The following TUT4 variants were observed in gnomAD, a reference collection of about 807,000 sequenced individuals.
The protein encoded by TUT4 is terminal uridylyl transferase 4, also known as terminal uridylyltransferase 4.
Under a neutral mutation model 192.2 loss-of-function variants are expected in TUT4, and 36 were observed. The ratio of observed to expected loss-of-function variants is 0.19; its 90% CI spans 0.14 to 0.25. TUT4 has a LOEUF of 0.25. Among genes scored for constraint, TUT4 ranks in the 10% least tolerant of loss-of-function variants. The pLI is 1.00. For missense variants in TUT4, 1,493 were observed against 1,957.2 expected, an observed-to-expected ratio of 0.76 and a Z score of 4.47; for synonymous variants, 618 against 666.0, an observed-to-expected ratio of 0.93 and a Z score of 1.11.
intron 3 of TUT4, among the ~76,000 whole-genome samples, chr1:52,513,110 G>A (rs1431028958): frequency 6.7e-6 from 1 of 148,290 alleles, no homozygotes; most frequent in Admixed American, 6.7e-5. Flanking sequence ...GAGACAGAAT[G>A]AGACCCTGTC....
chr1:52,466,693 A>G (rs1175103982), intron 15 of TUT4, among the ~76,000 whole-genome samples: 1 of 143,164 alleles, frequency 7.0e-6, no homozygotes, highest in African/African-American at 2.8e-5. Context: ...TTTTTGAGAC[A>G]GAGTTTCGCT....
intron 20 of TUT4, among the ~76,000 whole-genome samples, chr1:52,450,904 G>A (rs1570420920): frequency 6.6e-6 from 1 of 152,000 alleles, no homozygotes; most frequent in East Asian, 1.9e-4. Flanking sequence ...CCGGCAAAGT[G>A]GCAAATGATA....
chr1:52,525,920 C>T lies in TUT4; in HGVS notation c.361G>A (p.Ala121Thr). Reference protein sequence around the residue: ...ATISQAKSEKATSLQAKAEKS... With the variant: ...ATISQAKSEKTTSLQAKAEKS... ...TCTGCTTTTGCCTGTAAACTGGTTGCCTTTTCTGATTTTGCCTGTGAAATG... is the reference window on the plus strand; with the variant it reads ...TCTGCTTTTGCCTGTAAACTGGTTGTCTTTTCTGATTTTGCCTGTGAAATG... The change falls in exon 2 of 30, where the codon GCA becomes ACA. Residue 121 changes from alanine (A) to threonine (T), a missense_variant. By Grantham distance (58) the Ala-to-Thr change is moderately conservative (BLOSUM62 0). Coordinates refer to ENST00000257177, the MANE Select transcript of TUT4 (RefSeq NM_001009881.3). The T allele has an allele frequency of 6.2e-7, 1 of 1,614,040 alleles. No individual in the cohort carries two copies. Among genetic ancestry groups the T allele is most frequent in the Non-Finnish European group, 8.5e-7 (1 of 1,179,998 alleles).
intron 1 of TUT4, chr1:52,529,707 A>G (rs954805397): frequency 6.6e-6 from 1 of 152,210 alleles, no homozygotes; most frequent in African/African-American, 2.4e-5. Flanking sequence ...TACTCCATAA[A>G]TCAAGTTTGT....
In TUT4 at chr1:52,541,389, G is replaced by A. The variant is rs532764307; in HGVS notation, c.-94+11542C>T. Among the ~76,000 whole-genome samples the A allele has an allele frequency of 3.3e-5, 5 of 151,880 alleles. No homozygotes were observed. In the South Asian group the frequency reaches 1.0e-3, roughly 32 times the overall value. Reference sequence around the variant, plus strand: ...TCTACTAAAAATACAAAAATTAGCTGAACATGGTGGCAGGCGCCAGTAATC... The same window carrying A: ...TCTACTAAAAATACAAAAATTAGCTAAACATGGTGGCAGGCGCCAGTAATC... On this transcript the variant is annotated intron_variant, in intron 1 of 29. Coordinates refer to ENST00000257177, the MANE Select transcript of TUT4 (RefSeq NM_001009881.3).
intron 27 of TUT4, chr1:52,434,040 T>C (rs1432928847): frequency 6.6e-6 from 1 of 152,232 alleles, no homozygotes; most frequent in South Asian, 2.1e-4. Context: ...TTCTGTACTT[T>C]TGAAATATTT....
At chr1:52,498,533 A>G (rs951732708) in intron 4 of TUT4, among the ~76,000 whole-genome samples, 3 of 151,750 alleles carry the variant, frequency 2.0e-5, no homozygotes, top group African/African-American at 7.3e-5. Context: ...CGTGAGCCAC[A>G]GCGCCCGGCC....
rs1670944182 is a variant in TUT4, at chr1:52,490,717, T to A, written c.1388+15A>T. On this transcript the variant is annotated intron_variant, in intron 8 of 29. Transcript: ENST00000257177. ...GGTTTGTTTTTTTAAATATTTTATC[T>A]TCATTGTTACCAACCTTTTTCGATC... The A allele has an allele frequency of 6.3e-7, 1 of 1,594,974 alleles. No homozygotes were observed.
At chr1:52,443,388 A>G (rs1656313873) in intron 24 of TUT4, among the ~76,000 whole-genome samples, 1 of 151,906 alleles carries the variant, frequency 6.6e-6, no homozygotes, top group Admixed American at 6.6e-5. Context: ...GGAGTTCAAC[A>G]CCAACCTGAC....
intron 1 of TUT4, among the ~76,000 whole-genome samples, chr1:52,540,758 T>TC (rs2149659900): frequency 6.6e-6 from 1 of 152,292 alleles, no homozygotes; most frequent in African/African-American, 2.4e-5. Flanking sequence ...AGAGTATGTC[T>TC]CTAAGCCTAA....
chr1:52,518,140 A>G (rs530999693), intron 2 of TUT4, among the ~76,000 whole-genome samples: 1 of 152,372 alleles, frequency 6.6e-6, no homozygotes, highest in African/African-American at 2.4e-5. Flanking sequence ...AAATACTTGT[A>G]CATGAATGTT....
chr1:52,528,516 A>G (rs1682473449), intron 1 of TUT4, among the ~76,000 whole-genome samples: 1 of 150,226 alleles, frequency 6.7e-6, no homozygotes, highest in African/African-American at 2.4e-5. Context: ...AAGTGATTTT[A>G]TTAAAAAATC....
intron 4 of TUT4, among the ~76,000 whole-genome samples, chr1:52,508,596 G>A (rs1231976328): frequency 6.6e-6 from 1 of 152,118 alleles, no homozygotes; most frequent in Non-Finnish European, 1.5e-5. Flanking sequence ...GAAGGGAAGA[G>A]AAGGTAGACA....
intron 25 of TUT4, 84 bp from the exon 26 acceptor site, chr1:52,437,062 G>C (rs2148275912): frequency 6.6e-7 from 1 of 1,507,774 alleles, no homozygotes; most frequent in East Asian, 2.3e-5. Flanking sequence ...AATAACAAAA[G>C]GACTAACATG....
intron 28 of TUT4, among the ~76,000 whole-genome samples, 199 bp from the exon 29 acceptor site, chr1:52,425,706 G>T (rs999995914): frequency 1.3e-5 from 2 of 151,936 alleles, no homozygotes; most frequent in African/African-American, 4.8e-5. Context: ...TACAAGAAGA[G>T]ATATATATAT....
intron 26 of TUT4, among the ~76,000 whole-genome samples, 181 bp downstream of exon 26, chr1:52,436,574 C>T (rs1653866037): frequency 6.6e-6 from 1 of 152,100 alleles, no homozygotes; most frequent in Admixed American, 6.6e-5. Context: ...TGATAATAAA[C>T]TTATCCAAGT....
chr1:52,488,501 T>C (rs920959933), intron 9 of TUT4, among the ~76,000 whole-genome samples: 1 of 152,154 alleles, frequency 6.6e-6, no homozygotes, highest in Non-Finnish European at 1.5e-5. Flanking sequence ...ATCAATGATT[T>C]AGAGGAAAGA....
At chr1:52,492,247 GACAATGGCCA>G (rs1266124570) in intron 7 of TUT4, among the ~76,000 whole-genome samples, 1 of 151,954 alleles carries the variant, frequency 6.6e-6, no homozygotes, top group Non-Finnish European at 1.5e-5. Flanking sequence ...ATTTTCCCAA[GACAATGGCCA>G]ACAGGAAACT....
intron 1 of TUT4, among the ~76,000 whole-genome samples, chr1:52,549,324 T>C (rs1448294621): frequency 6.6e-6 from 1 of 152,174 alleles, no homozygotes; most frequent in Non-Finnish European, 1.5e-5. Context: ...CACCATTCTA[T>C]CCATATCAAT....
Sources: gnomAD v4.1 joint callset for allele counts (sites outside exome capture counted in the v4.1 genomes callset) on GRCh38, gnomAD v4.1.1 for gene constraint, MANE v1.5 for transcripts, NCBI Gene and HGNC (gene_info 2026-07-23, HGNC 2026-07-21) for gene names.